The following IFT70B variants were observed in gnomAD, a reference collection of about 807,000 sequenced individuals.
The protein encoded by IFT70B is intraflagellar transport 70B, also known as intraflagellar transport protein 70B.
the IFT70B span, chr2:177,552,454 G>A: frequency 1.9e-6 from 3 of 1,612,782 alleles, no homozygotes; most frequent in Non-Finnish European, 2.5e-6. Flanking sequence ...TCCAGGAGAA[G>A]GAAGGCGACC....
the IFT70B span, chr2:177,550,964 G>A: frequency 1.2e-5 from 19 of 1,614,024 alleles, no homozygotes; most frequent in East Asian, 4.2e-4. Flanking sequence ...GCATGATTGT[G>A]TGTTTTGACA....
chr2:177,550,832 A>G, the IFT70B span: 2 of 1,614,112 alleles, frequency 1.2e-6, no homozygotes, highest in Non-Finnish European at 1.7e-6. Context: ...ATGTGACTGT[A>G]TTCTTTCCAA....
the IFT70B span, chr2:177,551,232 G>C: frequency 2.5e-6 from 4 of 1,613,750 alleles, no homozygotes; most frequent in Non-Finnish European, 3.4e-6. Context: ...ATTTTGACTT[G>C]TCATAATATA....
the IFT70B span, chr2:177,551,116 T>A: frequency 1.9e-6 from 3 of 1,614,158 alleles, no homozygotes; most frequent in African/African-American, 1.3e-5. Context: ...AGAGTTCCTA[T>A]CACCAAATTC....
the IFT70B span, chr2:177,552,707 G>T: frequency 1.3e-6 from 2 of 1,595,768 alleles, no homozygotes; most frequent in Non-Finnish European, 1.7e-6. Flanking sequence ...GGATGAGGCG[G>T]TACACGACCG....
the IFT70B span, chr2:177,550,966 GT>G: frequency 1.4e-5 from 23 of 1,614,116 alleles, no homozygotes; most frequent in Middle Eastern, 6.6e-4. Flanking sequence ...ATGATTGTGT[GT>G]TTTGACATGT....
chr2:177,551,339 G>GT, the IFT70B span: 1 of 1,613,724 alleles, frequency 6.2e-7, no homozygotes, highest in Admixed American at 1.7e-5. Context: ...TGGCTTCTTT[G>GT]TATTTGTTTT....
the IFT70B span, chr2:177,549,409 G>A: frequency 6.6e-6 from 1 of 152,206 alleles, no homozygotes; most frequent in African/African-American, 2.4e-5. Context: ...TACTTATGTG[G>A]CTAAGTGGTT....
At chr2:177,550,838 T>C in the IFT70B span, 1 of 1,614,038 alleles carries the variant, frequency 6.2e-7, no homozygotes, top group African/African-American at 1.3e-5. Context: ...CTGTATTCTT[T>C]CCAACATGCA....
chr2:177,552,529 C>G, the IFT70B span: 1 of 1,600,946 alleles, frequency 6.2e-7, no homozygotes, highest in Non-Finnish European at 8.5e-7. Flanking sequence ...CGGTACTGCT[C>G]CAGTTCCGGG....
At chr2:177,550,657 TA>T in the IFT70B span, 1 of 998,300 alleles carries the variant, frequency 1.0e-6, no homozygotes, top group Non-Finnish European at 1.4e-6. Flanking sequence ...TTATAATGCA[TA>T]AGTGTACAAA....
chr2:177,552,670 G>A, the IFT70B span: 2 of 1,592,438 alleles, frequency 1.3e-6, no homozygotes, highest in South Asian at 1.1e-5. Flanking sequence ...CCCAGCAGCT[G>A]CACCGCCTCG....
the IFT70B span, chr2:177,552,382 C>A: frequency 9.5e-5 from 153 of 1,614,002 alleles, 1 homozygote; most frequent in South Asian, 7.0e-4. Flanking sequence ...CCTGGCAGAT[C>A]GCCCTCGCTG....
At chr2:177,552,064 T>G in the IFT70B span, 1 of 1,614,234 alleles carries the variant, frequency 6.2e-7, no homozygotes, top group Non-Finnish European at 8.5e-7. Flanking sequence ...CGAACATCAA[T>G]GCCCTCAGTG....
the IFT70B span, chr2:177,551,939 A>C: frequency 1.2e-6 from 2 of 1,613,894 alleles, no homozygotes; most frequent in Non-Finnish European, 1.7e-6. Flanking sequence ...GTGGCATGTC[A>C]GTGAGGGCTT....
chr2:177,552,574 C>G, the IFT70B span: 1 of 1,597,848 alleles, frequency 6.3e-7, no homozygotes, highest in Non-Finnish European at 8.5e-7. Flanking sequence ...CACTCGGCCG[C>G]CAGCGCGAAC....
the IFT70B span, chr2:177,550,950 C>G: frequency 1.2e-6 from 2 of 1,614,126 alleles, no homozygotes; most frequent in Non-Finnish European, 1.7e-6. Context: ...AACACTATCA[C>G]GAAGCATGAT....
At chr2:177,551,202 A>G in the IFT70B span, 9 of 1,613,726 alleles carry the variant, frequency 5.6e-6, no homozygotes, top group Admixed American at 1.5e-4. Flanking sequence ...AATCTTCCTC[A>G]TCAACTCCTC....
chr2:177,552,447 A>G, the IFT70B span: 1 of 1,612,778 alleles, frequency 6.2e-7, no homozygotes, highest in African/African-American at 1.3e-5. Context: ...GGGGTTATCC[A>G]GGAGAAGGAA....
Sources: allele counts gnomAD v4.1 joint callset, GRCh38; gene constraint gnomAD v4.1.1; transcripts MANE v1.5; gene names NCBI Gene and HGNC (gene_info 2026-07-23, HGNC 2026-07-21).